The following ATP2C2 variants were observed in gnomAD, a reference collection of about 807,000 sequenced individuals.
ATP2C2 encodes calcium-transporting ATPase type 2C member 2.
ATP2C2 carries 171 observed loss-of-function variants against 110.8 expected under a neutral mutation model. The observed-to-expected ratio is 1.54, with a 90% CI of 1.36 to 1.75. The LOEUF (loss-of-function observed/expected upper bound fraction) is 1.75, where lower values mean the gene tolerates loss of function less well. ATP2C2 is among the 40% of genes most tolerant of loss of function. ATP2C2 has a pLI of 0.00. For missense variants in ATP2C2, 1,963 were observed against 1,235.0 expected, an observed-to-expected ratio of 1.59 and a Z score of -8.84; for synonymous variants, 804 against 508.4, an observed-to-expected ratio of 1.58 and a Z score of -7.82.
At chr16:84,420,865 G>A (rs182265261) in intron 7 of ATP2C2, among the ~76,000 whole-genome samples, 2 of 152,198 alleles carry the variant, frequency 1.3e-5, no homozygotes, top group African/African-American at 4.8e-5. Flanking sequence ...GAGTGCAGTG[G>A]GGCAATCTCG....
intron 1 of ATP2C2, among the ~76,000 whole-genome samples, chr16:84,393,037 A>T (rs1904754039): frequency 6.6e-6 from 1 of 152,146 alleles, no homozygotes; most frequent in South Asian, 2.1e-4. Flanking sequence ...CTCAGCTTCA[A>T]GGTGGGCCAT....
intron 11 of ATP2C2, chr16:84,426,108 C>T (rs959369932): frequency 6.0e-5 from 21 of 348,306 alleles, no homozygotes; most frequent in Non-Finnish European, 9.2e-5. Flanking sequence ...GTTTAATTGG[C>T]CTATGGTTCT....
chr16:84,389,116 C>G (rs1203426506), intron 1 of ATP2C2, among the ~76,000 whole-genome samples: 1 of 152,198 alleles, frequency 6.6e-6, no homozygotes, highest in Non-Finnish European at 1.5e-5. Flanking sequence ...AGGGTTCTTT[C>G]TCTGCCTCTT....
chr16:84,461,498 C>G (rs8058454), intron 24 of ATP2C2: 1 of 614,630 alleles, frequency 1.6e-6, no homozygotes, highest in Non-Finnish European at 2.9e-6. Flanking sequence ...TGCCCTGCCC[C>G]CATCCTCATG....
intron 1 of ATP2C2, among the ~76,000 whole-genome samples, chr16:84,381,731 T>C (rs1316284055): frequency 1.3e-5 from 2 of 152,242 alleles, no homozygotes; most frequent in African/African-American, 4.8e-5. Flanking sequence ...GGTGTAGGCA[T>C]TCGTATTTAA....
Position 84,414,475 on chromosome 16 carries a change from T to TGC in ATP2C2, c.516-1006_516-1005dup, listed in dbSNP as rs539157625. ...CCTATAGAAGAAGGGTGTGTGTGTG[T>TGC]GCGTGCACGCGCGTGTACAGTAAGG... On this transcript the variant is annotated intron_variant, in intron 6 of 26. Coordinates refer to ENST00000262429, the MANE Select transcript of ATP2C2 (RefSeq NM_014861.4). 3.0e-4 allele frequency among the ~76,000 whole-genome samples: 45 copies of TGC among 152,240 alleles called. No homozygotes were observed. In the South Asian group the frequency reaches 8.5e-3, roughly 29 times the overall value.
intron 2 of ATP2C2, among the ~76,000 whole-genome samples, chr16:84,403,082 G>T (rs560666294): frequency 6.6e-6 from 1 of 152,110 alleles, no homozygotes; most frequent in East Asian, 1.9e-4. Context: ...AGTTGCTCCT[G>T]GTAGCCACTA....
chr16:84,421,646 G>A (rs1907349728), intron 7 of ATP2C2, among the ~76,000 whole-genome samples: 1 of 152,118 alleles, frequency 6.6e-6, no homozygotes, highest in African/African-American at 2.4e-5. Context: ...GTTAAGTCTG[G>A]GGTCAAGTTG....
At chr16:84,378,936 C>T (rs1333036854) in intron 1 of ATP2C2, among the ~76,000 whole-genome samples, 1 of 152,050 alleles carries the variant, frequency 6.6e-6, no homozygotes, top group Non-Finnish European at 1.5e-5. Flanking sequence ...CTACTCCAGC[C>T]ACTCCTCTGG....
chr16:84,421,425 A>G (rs970613279), intron 7 of ATP2C2, among the ~76,000 whole-genome samples: 3 of 152,204 alleles, frequency 2.0e-5, no homozygotes, highest in Non-Finnish European at 2.9e-5. Flanking sequence ...AAATAGTTTT[A>G]AATTATAGAG....
chr16:84,406,824 C>T (rs1905814038), intron 3 of ATP2C2, among the ~76,000 whole-genome samples: 1 of 152,142 alleles, frequency 6.6e-6, no homozygotes, highest in Non-Finnish European at 1.5e-5. Flanking sequence ...ACCCCTTCCA[C>T]TAGGACCCGC....
intron 6 of ATP2C2, among the ~76,000 whole-genome samples, chr16:84,412,547 C>T (rs12931771): frequency 2.0e-5 from 3 of 149,512 alleles, no homozygotes; most frequent in Non-Finnish European, 4.4e-5. Context: ...TGTGTGTATG[C>T]GTGTGTGTGT....
chr16:84,406,255 T>C (rs1905758248), intron 3 of ATP2C2, among the ~76,000 whole-genome samples: 1 of 152,214 alleles, frequency 6.6e-6, no homozygotes, highest in Non-Finnish European at 1.5e-5. Context: ...GCAATTGACA[T>C]GGCTCCAAGT....
rs1007650246 is a variant in ATP2C2 at position 84,418,204 on chromosome 16, C to T, written c.624+2613C>T. 2.0e-5 allele frequency among the ~76,000 whole-genome samples: 3 copies of T among 152,184 alleles called. No homozygotes were observed. In the East Asian group the frequency reaches 5.8e-4, roughly 29 times the overall value. On this transcript the variant is annotated intron_variant, in intron 7 of 26. Transcript: ENST00000262429. ...GTGGGGGCACCGGGTGGGCATGAGC[C>T]CTGTGTGTGGGAGATAGGAGGTGAG...
At chr16:84,407,684 C>A (rs1481229219) in intron 3 of ATP2C2, among the ~76,000 whole-genome samples, 1 of 152,076 alleles carries the variant, frequency 6.6e-6, no homozygotes, top group Admixed American at 6.6e-5. Context: ...GTTTCCCAGG[C>A]TGGACTGAAA....
At chr16:84,384,297 C>A (rs146843968) in intron 1 of ATP2C2, among the ~76,000 whole-genome samples, 2 of 152,162 alleles carry the variant, frequency 1.3e-5, no homozygotes, top group African/African-American at 4.8e-5. Flanking sequence ...TCTGTATTCT[C>A]GACCTTTTTA....
chr16:84,390,851 C>A (rs1483947836), intron 1 of ATP2C2, among the ~76,000 whole-genome samples: 1 of 152,134 alleles, frequency 6.6e-6, no homozygotes, highest in Non-Finnish European at 1.5e-5. Context: ...CGGTGGCTCA[C>A]GCCTGTAATC....
In ATP2C2 at chr16:84,462,026, C is replaced by G. The variant is rs1446489807; in HGVS notation, c.2619C>G (p.His873Gln). 8.1e-6 allele frequency: 13 copies of G among 1,613,950 alleles called. No homozygotes were observed. Among genetic ancestry groups the G allele is most frequent in the Non-Finnish European group, 1.0e-5 (12 of 1,179,948 alleles). ...TTGAGATCGGCTTTCTCAGGAACCA[C>G]ATGTTCCTCTACTCCGTCCTGGGGT... is the stretch of plus-strand genomic sequence containing the variant. ...LIFEIGFLRN[H>Q]MFLYSVLGSI... Residue 873 changes from histidine (H) to glutamine (Q), a missense_variant, in exon 26 of 27, where the codon CAC becomes CAG. Physicochemically the swap from His to Gln is conservative, Grantham distance 24. Transcript: ENST00000262429.
intron 16 of ATP2C2, among the ~76,000 whole-genome samples, chr16:84,447,321 C>G (rs1035519994): frequency 6.6e-6 from 1 of 152,074 alleles, no homozygotes; most frequent in African/African-American, 2.4e-5. Flanking sequence ...AACTTTTAGA[C>G]CTTTAAATCT....
Sources: gnomAD v4.1 joint callset for allele counts (sites outside exome capture counted in the v4.1 genomes callset) on GRCh38, gnomAD v4.1.1 for gene constraint, MANE v1.5 for transcripts, NCBI Gene and HGNC (gene_info 2026-07-23, HGNC 2026-07-21) for gene names.